Variants in COX5B observed in about 807,000 individuals in gnomAD.
COX5B encodes the protein cytochrome c oxidase subunit 5B, also known as cytochrome c oxidase subunit 5B, mitochondrial.
A neutral mutation model predicts 16.2 loss-of-function variants in COX5B; 8 were observed. That is an observed-to-expected ratio of 0.49 (90% CI 0.29 to 0.89). The LOEUF (loss-of-function observed/expected upper bound fraction) is 0.89, where lower values mean the gene tolerates loss of function less well. COX5B is among the 40% of genes least tolerant of loss of function. COX5B has a pLI of 0.08. For synonymous variants in COX5B, 65 were observed against 67.6 expected, an observed-to-expected ratio of 0.96 and a Z score of 0.19; for missense variants, 161 against 168.7, an observed-to-expected ratio of 0.95 and a Z score of 0.25.
intron 1 of COX5B, chr2:97,646,717 G>T: frequency 4.4e-6 from 1 of 224,878 alleles, no homozygotes; most frequent in East Asian, 1.1e-4. Flanking sequence ...GCGTGGTGGC[G>T]CGCGCCTGTA....
chr2:97,647,581 G>T (rs1573174562), intron 3 of COX5B, 138 bp downstream of exon 3: 2 of 767,268 alleles, frequency 2.6e-6, no homozygotes. Context: ...GCCTCATTAT[G>T]CCTGATAGTT....
intron 3 of COX5B, 102 bp from the exon 4 acceptor site, chr2:97,647,892 CAT>C: frequency 2.1e-6 from 2 of 965,238 alleles, no homozygotes; most frequent in Non-Finnish European, 1.6e-6. Flanking sequence ...AGATATCAAC[CAT>C]AGTCTTACTT....
In COX5B at chr2:97,647,088, A is replaced by G. The variant is rs1359152463; in HGVS notation, c.125A>G (p.Glu42Gly). Residue 42 changes from glutamate to glycine, a missense_variant, in exon 2 of 4, where the codon GAG (glutamate) becomes GGG (glycine). Glu to Gly is a moderately conservative substitution (Grantham distance 98). Transcript: ENST00000258424. ...TTAGGTGGTGTTCCCACTGATGAAG[A>G]GCAGGCGACTGGGTTGGAGAGGGAG... Reference protein sequence around the residue: ...ASGGGVPTDEEQATGLEREIM... With the variant: ...ASGGGVPTDEGQATGLEREIM... 7 of 1,614,162 alleles carry G rather than the reference A, an allele frequency of 4.3e-6. No homozygotes were observed. The highest frequency in any genetic ancestry group is 5.1e-6 in the Non-Finnish European group (6 of 1,180,006).
chr2:97,646,308 C>T (rs1674653233), intron 1 of COX5B, 119 bp downstream of exon 1: 1 of 633,984 alleles, frequency 1.6e-6, no homozygotes, highest in African/African-American at 1.8e-5. Context: ...CTTTACGGTC[C>T]CCAGTGCCTC....
chr2:97,648,367 G>A lies in COX5B; in HGVS notation c.*259G>A. 1 of 377,666 alleles carries A rather than the reference G, an allele frequency of 2.6e-6. No homozygotes were observed. Among genetic ancestry groups the A allele is most frequent in the South Asian group, 5.9e-5 (1 of 17,082 alleles). 23.4% of individuals were successfully genotyped at this position (377,666 alleles called of 1,614,324 possible). ...ATCGACAACCCGTAATGCAATGAAT[G>A]GGACCACCTGGTATGAGAGAAAGGG... On this transcript the variant is annotated 3_prime_UTR_variant, in exon 4 of 4. Coordinates refer to ENST00000258424, the MANE Select transcript of COX5B (RefSeq NM_001862.3).
At position 97,647,462 on chromosome 2, in the gene COX5B, T is replaced by C. The variant is rs1674679449; in HGVS notation, c.277+19T>C. 2 of 1,582,372 alleles carry C rather than the reference T, an allele frequency of 1.3e-6. No homozygotes were observed. Among genetic ancestry groups the C allele is most frequent in the Non-Finnish European group, 1.7e-6 (2 of 1,153,138 alleles). ...TGCATCTGTAAGTACCTCACCTCTA[T>C]TTTTTATCCACTTGCTTAATATATC... On this transcript the variant is annotated intron_variant, in intron 3 of 3. Transcript: ENST00000258424.
chr2:97,646,615 A>T (rs1674657537), intron 1 of COX5B: 1 of 200,926 alleles, frequency 5.0e-6, no homozygotes, highest in Admixed American at 5.3e-5. Context: ...TGGGAGGCCG[A>T]GGCGGACAGA....
In COX5B at chr2:97,646,203, C is replaced by T. The variant is rs191902361; in HGVS notation, c.103+14C>T. 1,786 of 1,521,670 alleles carry T rather than the reference C, an allele frequency of 1.2e-3. 3 individuals are homozygous for T. The highest frequency in any genetic ancestry group is 1.3e-3 in the Non-Finnish European group (1,472 of 1,127,214). 94.3% of individuals were successfully genotyped at this position (1,521,670 alleles called of 1,614,324 possible). ...TGGCATCTGGAGGTACTCGGGTCTCCGGGCGTGCCAGGGACCAGAGTGTTG... is the reference window on the plus strand; with the variant it reads ...TGGCATCTGGAGGTACTCGGGTCTCTGGGCGTGCCAGGGACCAGAGTGTTG... On this transcript the variant is annotated intron_variant, in intron 1 of 3. Coordinates refer to ENST00000258424, the MANE Select transcript of COX5B (RefSeq NM_001862.3).
intron 3 of COX5B, 123 bp from the exon 4 acceptor site, chr2:97,647,873 G>C: frequency 1.2e-6 from 1 of 852,060 alleles, no homozygotes; most frequent in Non-Finnish European, 1.9e-6. Flanking sequence ...GGCTTGAACT[G>C]ATCTCTTAAG....
intron 1 of COX5B, 59 bp downstream of exon 1, chr2:97,646,248 G>C (rs2104483823): frequency 8.0e-7 from 1 of 1,244,756 alleles, no homozygotes; most frequent in Non-Finnish European, 1.1e-6. Flanking sequence ...GGTGGTCCCA[G>C]GGCGGCAAAG....
chr2:97,647,003 T>A (rs568879456), intron 1 of COX5B, 64 bp from the exon 2 acceptor site: 2 of 1,546,848 alleles, frequency 1.3e-6, no homozygotes, highest in African/African-American at 2.7e-5. Context: ...CTTGATCATT[T>A]CTGTTTGTAG....
chr2:97,647,548 T>TCAAGACC, intron 3 of COX5B, 105 bp downstream of exon 3: 2 of 982,850 alleles, frequency 2.0e-6, no homozygotes, highest in Non-Finnish European at 3.2e-6. Flanking sequence ...GGTAAGTTTG[T>TCAAGACC]CTAAGGGTCT....
chr2:97,646,473 A>C lies in COX5B; in HGVS notation c.103+284A>C, dbSNP rs11695635. 8.4e-3 allele frequency: 3,574 copies of C among 423,534 alleles called. 41 individuals are homozygous for C. The highest frequency in any genetic ancestry group is 0.034 in the Middle Eastern group (55 of 1,618). 26.2% of individuals were successfully genotyped at this position (423,534 alleles called of 1,614,324 possible). Reference sequence around the variant, plus strand: ...TGGGGAGGGGTCCGGCCTCCCTTCAAACCTGCGCCCACCTCAAGCAGAGTG... The same window carrying C: ...TGGGGAGGGGTCCGGCCTCCCTTCACACCTGCGCCCACCTCAAGCAGAGTG... On this transcript the variant is annotated intron_variant, in intron 1 of 3. Coordinates refer to ENST00000258424, the MANE Select transcript of COX5B (RefSeq NM_001862.3).
chr2:97,648,174 G>A lies in COX5B; in HGVS notation c.*66G>A. ...TTCTTTCCAGTAAAGACTAGCCATT[G>A]CATTGGCTCCTTCTCCCATAGATGG... On this transcript the variant is annotated 3_prime_UTR_variant, in exon 4 of 4. Transcript: ENST00000258424. The A allele has an allele frequency of 1.5e-6, 2 of 1,310,982 alleles. No individual in the cohort carries two copies. The highest frequency in any genetic ancestry group is 2.6e-5 in the Admixed American group (1 of 37,774). The allele number at this position is 1,310,982 out of a possible 1,614,324, so 81.2% of individuals were successfully genotyped here. A position where few individuals can be genotyped will look rare whatever the true frequency, so the allele number is the denominator to read the frequency against.
At chr2:97,647,947 T>A (rs1431994213) in intron 3 of COX5B, 49 bp from the exon 4 acceptor site, 12 of 1,503,054 alleles carry the variant, frequency 8.0e-6, no homozygotes, top group Non-Finnish European at 1.0e-5. Context: ...ATGTTGAAAG[T>A]CTCCCTTTCT....
intron 1 of COX5B, 37 bp downstream of exon 1, chr2:97,646,226 T>C (rs1391832298): frequency 7.0e-7 from 1 of 1,431,948 alleles, no homozygotes. Flanking sequence ...GACCAGAGTG[T>C]TGCCCTCCCA....
chr2:97,646,972 A>G (rs909792970), intron 1 of COX5B, 95 bp from the exon 2 acceptor site: 1 of 1,293,944 alleles, frequency 7.7e-7, no homozygotes, highest in African/African-American at 1.5e-5. Context: ...ACTTATACAG[A>G]AGTTTCGGGG....
chr2:97,646,963 C>T, intron 1 of COX5B, 104 bp from the exon 2 acceptor site: 2 of 1,199,676 alleles, frequency 1.7e-6, no homozygotes, highest in Non-Finnish European at 1.2e-6. Context: ...CCCGCTAAAA[C>T]TTATACAGAA....
At chr2:97,647,879 TTAAGA>T in intron 3 of COX5B, 112 bp from the exon 4 acceptor site, 1 of 904,164 alleles carries the variant, frequency 1.1e-6, no homozygotes, top group Non-Finnish European at 1.8e-6. Context: ...AACTGATCTC[TTAAGA>T]TATCAACCAT....
Sources: allele counts gnomAD v4.1 joint callset, GRCh38; gene constraint gnomAD v4.1.1; transcripts MANE v1.5; gene names NCBI Gene and HGNC (gene_info 2026-07-23, HGNC 2026-07-21).